Variants in FBXL13 observed in about 807,000 individuals in gnomAD.
FBXL13 encodes the protein F-box and leucine rich repeat protein 13.
A neutral mutation model predicts 83.6 loss-of-function variants in FBXL13; 67 were observed. The ratio of observed to expected loss-of-function variants is 0.80; its 90% CI spans 0.66 to 0.98. The LOEUF (loss-of-function observed/expected upper bound fraction) is 0.98, where lower values mean the gene tolerates loss of function less well. FBXL13 is among the 50% of genes least tolerant of loss of function. FBXL13 has a pLI of 0.00. For synonymous variants in FBXL13, 272 were observed against 299.5 expected (o/e 0.91, Z 0.95); for missense variants, 822 against 866.5 (o/e 0.95, Z 0.64).
intron 11 of FBXL13, among the ~76,000 whole-genome samples, chr7:102,906,021 C>T (rs1186146373): frequency 6.6e-6 from 1 of 152,112 alleles, no homozygotes; most frequent in African/African-American, 2.4e-5. Flanking sequence ...GCCTCAGAAT[C>T]ATGGCGGGAG....
At chr7:102,817,882 C>T (rs536666164) in intron 19 of FBXL13, among the ~76,000 whole-genome samples, 1 of 152,270 alleles carries the variant, frequency 6.6e-6, no homozygotes, top group South Asian at 2.1e-4. Context: ...AACCAATCTG[C>T]TGCAATGGTT....
Position 103,002,271 on chromosome 7 carries a change from A to G in FBXL13, c.495+22792T>C, listed in dbSNP as rs540336511. Among the ~76,000 whole-genome samples, 3 of 152,316 alleles carry G rather than the reference A, an allele frequency of 2.0e-5. No individual in the cohort carries two copies. In the South Asian group the frequency reaches 6.2e-4, roughly 32 times the overall value. On this transcript the variant is annotated intron_variant, in intron 6 of 19. Coordinates refer to ENST00000313221, the Ensembl canonical transcript of FBXL13. ...CAGATTACAACTGAATTTTGATCAC[A>G]AAGAAACAAAGTAAAAAACTTTAAA...
chr7:102,831,971 G>T (rs189299199), intron 18 of FBXL13, among the ~76,000 whole-genome samples: 4 of 152,132 alleles, frequency 2.6e-5, no homozygotes, highest in Admixed American at 1.3e-4. Flanking sequence ...TAAAAAGTAG[G>T]TTACAATGTA....
intron 16 of FBXL13, among the ~76,000 whole-genome samples, chr7:102,858,208 T>C (rs1806306501): frequency 6.6e-6 from 1 of 152,178 alleles, no homozygotes; most frequent in Non-Finnish European, 1.5e-5. Flanking sequence ...CACAGAAAGA[T>C]AAATACCACA....
chr7:102,817,815 C>G (rs1050131086), intron 19 of FBXL13, among the ~76,000 whole-genome samples: 5 of 152,134 alleles, frequency 3.3e-5, no homozygotes, highest in Admixed American at 6.5e-5. Context: ...TGACTGCATT[C>G]CATTCTGCTT....
At chr7:103,052,839 C>T (rs1303708230) in intron 2 of FBXL13, among the ~76,000 whole-genome samples, 1 of 151,210 alleles carries the variant, frequency 6.6e-6, no homozygotes, top group Non-Finnish European at 1.5e-5. Flanking sequence ...TCACTGCAAC[C>T]TCCGCCTCCC....
chr7:103,026,302 C>T (rs1793909307), intron 5 of FBXL13, among the ~76,000 whole-genome samples: 1 of 151,620 alleles, frequency 6.6e-6, no homozygotes, highest in Non-Finnish European at 1.5e-5. Flanking sequence ...CCATGCCTGG[C>T]TAATTTTTAT....
chr7:102,836,991 G>C (rs1802102530), intron 17 of FBXL13, among the ~76,000 whole-genome samples: 1 of 152,228 alleles, frequency 6.6e-6, no homozygotes, highest in Non-Finnish European at 1.5e-5. Flanking sequence ...AATATGTGCT[G>C]TCAAGAACCA....
intron 2 of FBXL13, among the ~76,000 whole-genome samples, chr7:103,052,905 C>T (rs915145247): frequency 5.3e-5 from 8 of 151,808 alleles, no homozygotes; most frequent in Non-Finnish European, 1.0e-4. Flanking sequence ...TACAGGCACC[C>T]GCCACCACGC....
At chr7:102,883,632 C>T (rs764754824) in exon 13 of FBXL13, 17 of 1,612,140 alleles carry the variant, frequency 1.1e-5, no homozygotes, top group African/African-American at 1.3e-5. Context: ...CGGAGATATG[C>T]GGTGCACCAG....
intron 6 of FBXL13, among the ~76,000 whole-genome samples, chr7:102,985,138 A>C (rs140832252): frequency 3.3e-5 from 5 of 152,262 alleles, no homozygotes; most frequent in African/African-American, 1.2e-4. Flanking sequence ...TAAGATCACC[A>C]TGTGTTGATG....
intron 6 of FBXL13, among the ~76,000 whole-genome samples, chr7:103,016,724 A>G (rs1792382910): frequency 6.6e-6 from 1 of 152,108 alleles, no homozygotes; most frequent in African/African-American, 2.4e-5. Flanking sequence ...AGCCTCCCTC[A>G]TTGCTCGCAC....
At chr7:102,944,618 G>A (rs1319602628) in intron 8 of FBXL13, 26 of 1,570,074 alleles carry the variant, frequency 1.7e-5, no homozygotes, top group Non-Finnish European at 2.1e-5. Context: ...GGTAGAAATT[G>A]TTCTGATTGT....
At chr7:103,002,299 T>A (rs1790483334) in intron 6 of FBXL13, among the ~76,000 whole-genome samples, 1 of 152,204 alleles carries the variant, frequency 6.6e-6, no homozygotes, top group Non-Finnish European at 1.5e-5. Flanking sequence ...ACTTTAAAAC[T>A]CTACACTTTA....
chr7:102,906,498 G>A (rs1163267689), intron 11 of FBXL13, among the ~76,000 whole-genome samples: 2 of 152,206 alleles, frequency 1.3e-5, no homozygotes, highest in Non-Finnish European at 2.9e-5. Flanking sequence ...TTTTCTTTCC[G>A]ATTGAAGTAC....
At chr7:102,957,977 G>GT (rs1308158936) in intron 8 of FBXL13, among the ~76,000 whole-genome samples, 1 of 152,166 alleles carries the variant, frequency 6.6e-6, no homozygotes, top group African/African-American at 2.4e-5. Flanking sequence ...AGACAGTGTG[G>GT]TGATTCCTCA....
intron 11 of FBXL13, among the ~76,000 whole-genome samples, chr7:102,901,400 TGA>T (rs1158504376): frequency 1.3e-5 from 2 of 152,236 alleles, no homozygotes; most frequent in Middle Eastern, 3.2e-3. Context: ...ATTTATACTT[TGA>T]GTTACAAACA....
chr7:102,934,700 T>A, intron 8 of FBXL13: 1 of 1,558,200 alleles, frequency 6.4e-7, no homozygotes, highest in Non-Finnish European at 8.6e-7. Flanking sequence ...GTACTTTTCT[T>A]ACTTTTTCAT....
intron 6 of FBXL13, among the ~76,000 whole-genome samples, chr7:103,009,250 C>T (rs750202251): frequency 6.6e-6 from 1 of 152,006 alleles, no homozygotes; most frequent in Non-Finnish European, 1.5e-5. Flanking sequence ...AGCTCATGTG[C>T]GCCACTCTCA....
Sources: gnomAD v4.1 joint callset for allele counts (sites outside exome capture counted in the v4.1 genomes callset) on GRCh38, gnomAD v4.1.1 for gene constraint, MANE v1.5 for transcripts, NCBI Gene and HGNC (gene_info 2026-07-23, HGNC 2026-07-21) for gene names.